Variants in RFC5 observed in about 807,000 individuals in gnomAD.
The protein encoded by RFC5 is A1 36 kDa subunit.
In RFC5, 26 loss-of-function variants were observed where a neutral mutation model predicts 44.3. That is an observed-to-expected ratio of 0.59 (90% CI 0.43 to 0.81). The LOEUF is 0.81. RFC5 is among the 40% of genes least tolerant of loss of function. The probability of loss-of-function intolerance (pLI) is 0.00; values close to 1 mark genes in which losing one functional copy is unlikely to be tolerated. For missense variants in RFC5, 328 were observed against 418.6 expected, an observed-to-expected ratio of 0.78 and a Z score of 1.89; for synonymous variants, 155 against 155.2, an observed-to-expected ratio of 1.00 and a Z score of 0.01.
intron 1 of RFC5, chr12:118,018,155 A>C (rs1195867923): frequency 3.3e-6 from 2 of 599,694 alleles, no homozygotes; most frequent in East Asian, 2.8e-5. Flanking sequence ...TCAGTAGTTA[A>C]TTTCTTGTTA....
chr12:118,041,044 G>A, the RFC5 span, among the ~76,000 whole-genome samples: 5 of 152,320 alleles, frequency 3.3e-5, no homozygotes, highest in East Asian at 5.8e-4. Context: ...GTGAGACTCC[G>A]TCTCAAGAAA....
intron 5 of RFC5, among the ~76,000 whole-genome samples, chr12:118,023,422 GGGGAGGAA>G (rs1424956521): frequency 6.0e-5 from 3 of 50,094 alleles, no homozygotes; most frequent in South Asian, 1.3e-3. Flanking sequence ...GGGGGGAGGA[GGGGAGGAA>G]GAGGAGGGGG....
chr12:118,026,177 T>C (rs1165172081), intron 7 of RFC5, among the ~76,000 whole-genome samples: 2 of 152,164 alleles, frequency 1.3e-5, no homozygotes, highest in Non-Finnish European at 2.9e-5. Context: ...TGTTTTGTAA[T>C]AGTTTTTGAA....
rs140066796 is a variant in RFC5, at chr12:118,024,697, C to T, written c.422-154C>T. 850 of 642,102 alleles carry T rather than the reference C, an allele frequency of 1.3e-3. 10 individuals are homozygous for T. The East Asian group carries it at 0.021, about 16-fold the overall frequency. The allele number at this position is 642,102 out of a possible 1,614,324, so 39.8% of individuals were successfully genotyped here. A position where few individuals can be genotyped will look rare whatever the true frequency, so the allele number is the denominator to read the frequency against. On this transcript the variant is annotated intron_variant, in intron 5 of 10. Coordinates refer to ENST00000454402, the MANE Select transcript of RFC5 (RefSeq NM_007370.7). Reference sequence around the variant, plus strand: ...AAGTGCTGGGATTACAGACGTGAGCCACTAAGCCACTACGCCCGGCCAACA... The same window carrying T: ...AAGTGCTGGGATTACAGACGTGAGCTACTAAGCCACTACGCCCGGCCAACA...
intron 7 of RFC5, 128 bp downstream of exon 7, chr12:118,025,956 C>G: frequency 1.6e-6 from 1 of 608,718 alleles, no homozygotes; most frequent in African/African-American, 1.9e-5. Context: ...TCAAGCGAAT[C>G]TCCTGCCTCC....
At chr12:118,030,231 A>C (rs1188228370) in intron 10 of RFC5, among the ~76,000 whole-genome samples, 1 of 152,210 alleles carries the variant, frequency 6.6e-6, no homozygotes, top group African/African-American at 2.4e-5. Flanking sequence ...TTCCGTAAAC[A>C]CTGTTATTAG....
the RFC5 span, among the ~76,000 whole-genome samples, chr12:118,041,067 C>CA: frequency 6.6e-6 from 1 of 151,936 alleles, no homozygotes; most frequent in Non-Finnish European, 1.5e-5. Flanking sequence ...ACAAACAAAC[C>CA]AAAAAAACAC....
downstream of RFC5, chr12:118,032,487 A>C (rs960742779): frequency 6.6e-6 from 1 of 152,164 alleles, no homozygotes; most frequent in African/African-American, 2.4e-5. Context: ...TTTTTGAGGC[A>C]AGATCATGCT....
At chr12:118,038,927 C>CT in the RFC5 span, among the ~76,000 whole-genome samples, 2 of 152,068 alleles carry the variant, frequency 1.3e-5, no homozygotes, top group African/African-American at 4.8e-5. Context: ...GTGCTGATCA[C>CT]TTTTTTTATA....
At chr12:118,036,909 C>T (rs2031524461), downstream of RFC5, among the ~76,000 whole-genome samples, 3 of 152,172 alleles carry the variant, frequency 2.0e-5, no homozygotes, top group East Asian at 1.9e-4. Flanking sequence ...CGGCCAGGCA[C>T]GATGGCTCAT....
At chr12:118,026,232 C>A (rs578056744) in intron 7 of RFC5, among the ~76,000 whole-genome samples, 2 of 152,258 alleles carry the variant, frequency 1.3e-5, no homozygotes, top group African/African-American at 4.8e-5. Context: ...ATTTTGAAAT[C>A]TACAGCTGGT....
chr12:118,034,772 G>A, downstream of RFC5: 2 of 570,202 alleles, frequency 3.5e-6, no homozygotes, highest in Non-Finnish European at 6.1e-6. Context: ...TAGGTGGCAT[G>A]ACTTACAGAT....
the RFC5 span, among the ~76,000 whole-genome samples, chr12:118,040,863 C>T: frequency 6.6e-6 from 1 of 152,174 alleles, no homozygotes; most frequent in East Asian, 1.9e-4. Context: ...GCCTGGCCAA[C>T]GTGGTGAAAC....
At chr12:118,034,164 C>T (rs201888386), downstream of RFC5, 1 of 1,613,190 alleles carries the variant, frequency 6.2e-7, no homozygotes, top group East Asian at 2.2e-5. Context: ...ACGATTTACC[C>T]TGCTACAAAG....
At chr12:118,035,219 A>G (rs2031480808), downstream of RFC5, 1 of 1,614,108 alleles carries the variant, frequency 6.2e-7, no homozygotes, top group South Asian at 1.1e-5. Context: ...GTTACCTGTC[A>G]TCTGCCACCG....
intron 4 of RFC5, 54 bp downstream of exon 4, chr12:118,021,039 T>C (rs1445411118): frequency 2.6e-6 from 3 of 1,144,000 alleles, no homozygotes; most frequent in Non-Finnish European, 3.9e-6. Flanking sequence ...TAAGATGATA[T>C]GGGTTAATTT....
Position 118,019,691 on chromosome 12 carries a change from A to G in RFC5, c.190A>G (p.Thr64Ala), listed in dbSNP as rs1334764371. Reference protein sequence around the residue: ...PHLLLYGPPGTGKTSTILACA... With the variant: ...PHLLLYGPPGAGKTSTILACA... ...CTTGCTTCTCTACGGTCCCCCAGGG[A>G]CAGGCAAGACATCTACCATCCTAGC... The change falls in exon 3 of 11, where the codon ACA (threonine) becomes GCA (alanine). Residue 64 changes from threonine to alanine, a missense_variant. Transcript: ENST00000454402. The surrounding 1 kb of genome is among the most constrained non-coding windows in gnomAD (Gnocchi z 4.2). 2 of 1,613,924 alleles carry G rather than the reference A, an allele frequency of 1.2e-6. No individual in the cohort carries two copies.
chr12:118,035,286 A>T (rs1412648243), downstream of RFC5: 1 of 1,614,112 alleles, frequency 6.2e-7, no homozygotes, highest in African/African-American at 1.3e-5. Context: ...GCTAATGTGG[A>T]CGTCACTGTC....
At chr12:118,028,662 G>GTCTA (rs759489477) in intron 9 of RFC5, among the ~76,000 whole-genome samples, 120 of 147,668 alleles carry the variant, frequency 8.1e-4, no homozygotes, top group Non-Finnish European at 1.4e-3. Context: ...AAAAAAGTCT[G>GTCTA]TCTATCTATC....
Sources: allele counts gnomAD v4.1 joint callset (sites outside exome capture counted in the v4.1 genomes callset), GRCh38; gene constraint gnomAD v4.1.1; non-coding constraint Gnocchi (gnomAD v3.1); transcripts MANE v1.5; gene names NCBI Gene and HGNC (gene_info 2026-07-23, HGNC 2026-07-21).